Variants in PDE7B observed in about 807,000 individuals in gnomAD.
PDE7B encodes 3',5'-cyclic-AMP phosphodiesterase 7B.
Under a neutral mutation model 56.2 loss-of-function variants are expected in PDE7B, and 29 were observed. The observed-to-expected ratio is 0.52, with a 90% confidence interval of 0.38 to 0.70. The LOEUF (loss-of-function observed/expected upper bound fraction) is 0.70. Among genes scored for constraint, PDE7B ranks in the 30% least tolerant of loss-of-function variants. The probability of loss-of-function intolerance (pLI) is 0.00; values close to 1 mark genes in which losing one functional copy is unlikely to be tolerated. For synonymous variants in PDE7B, 197 were observed against 196.9 expected, an observed-to-expected ratio of 1.00 and a Z score of 0.00; for missense variants, 490 against 565.0, an observed-to-expected ratio of 0.87 and a Z score of 1.35.
chr6:135,861,410 CT>C (rs1562414204), intron 1 of PDE7B, among the ~76,000 whole-genome samples: 1 of 151,580 alleles, frequency 6.6e-6, no homozygotes, highest in Non-Finnish European at 1.5e-5. Flanking sequence ...TCCCTGTTTA[CT>C]AATGGTCTGA....
At chr6:136,115,215 C>T (rs1033357217) in intron 3 of PDE7B, among the ~76,000 whole-genome samples, 3 of 152,172 alleles carry the variant, frequency 2.0e-5, no homozygotes, top group East Asian at 1.9e-4. Flanking sequence ...TGTATAATAA[C>T]AGCATACATA....
intron 2 of PDE7B, among the ~76,000 whole-genome samples, chr6:135,982,065 G>A (rs1317921329): frequency 6.6e-6 from 1 of 151,946 alleles, no homozygotes; most frequent in Non-Finnish European, 1.5e-5. Context: ...GTTTGTCATT[G>A]ACCCACACGG....
At chr6:136,057,685 A>G (rs1265719455) in intron 2 of PDE7B, among the ~76,000 whole-genome samples, 1 of 152,206 alleles carries the variant, frequency 6.6e-6, no homozygotes, top group Non-Finnish European at 1.5e-5. Context: ...GTCATCACAA[A>G]GCTTTTACTT....
rs151275522 is a variant in PDE7B at position 135,904,982 on chromosome 6, C to T, written c.22-42482C>T. On this transcript the variant is annotated intron_variant, in intron 1 of 12. Coordinates refer to ENST00000308191, the MANE Select transcript of PDE7B (RefSeq NM_018945.4). ...TGGGCATGGAATCTGTGCAGTTGCA[C>T]AGGGTCCCATACTCAGAAAGGCTCA... Among the ~76,000 whole-genome samples the T allele has an allele frequency of 6.0e-4, 92 of 152,336 alleles. 1 individual carries two copies. The East Asian group carries it at 0.015, about 26-fold the overall frequency.
At chr6:135,883,192 TG>T (rs1775641248) in intron 1 of PDE7B, among the ~76,000 whole-genome samples, 1 of 152,166 alleles carries the variant, frequency 6.6e-6, no homozygotes, top group Non-Finnish European at 1.5e-5. Flanking sequence ...AGTACTAATG[TG>T]TATTCTATAT....
intron 3 of PDE7B, among the ~76,000 whole-genome samples, chr6:136,121,881 G>GTAT (rs1777940179): frequency 6.6e-6 from 1 of 152,220 alleles, no homozygotes; most frequent in Admixed American, 6.5e-5. Flanking sequence ...TGCTGAAAGG[G>GTAT]TATTGCATAG....
At chr6:135,930,108 A>T (rs1484409486) in intron 1 of PDE7B, among the ~76,000 whole-genome samples, 1 of 152,136 alleles carries the variant, frequency 6.6e-6, no homozygotes, top group Non-Finnish European at 1.5e-5. Context: ...ATGACTTACA[A>T]TTCCATATGG....
At chr6:136,090,152 A>G (rs1777364108) in intron 2 of PDE7B, among the ~76,000 whole-genome samples, 1 of 152,158 alleles carries the variant, frequency 6.6e-6, no homozygotes, top group Admixed American at 6.5e-5. Flanking sequence ...CATCAGAGAT[A>G]CAATCAGGGA....
At chr6:136,053,181 G>A (rs946936603) in intron 2 of PDE7B, among the ~76,000 whole-genome samples, 2 of 151,012 alleles carry the variant, frequency 1.3e-5, no homozygotes, top group Non-Finnish European at 3.0e-5. Flanking sequence ...TTAGCATTAG[G>A]TATATCTCTT....
At chr6:135,906,829 T>TTTTTTTTTTGTTTTTTTTTTTTTTTG (rs1562434158) in intron 1 of PDE7B, among the ~76,000 whole-genome samples, 2 of 142,604 alleles carry the variant, frequency 1.4e-5, no homozygotes, top group African/African-American at 5.7e-5. Flanking sequence ...TTTTTTTTTT[T>TTTTTTTTTTGTTTTTTTTTTTTTTTG]TTTTTTTAAT....
intron 1 of PDE7B, among the ~76,000 whole-genome samples, chr6:135,902,691 A>G (rs550274275): frequency 3.9e-5 from 6 of 152,252 alleles, no homozygotes; most frequent in Admixed American, 3.3e-4. Context: ...TCATTGGCTT[A>G]TTGCTTAACC....
At chr6:135,911,707 A>G (rs990199604) in intron 1 of PDE7B, among the ~76,000 whole-genome samples, 7 of 152,192 alleles carry the variant, frequency 4.6e-5, no homozygotes, top group African/African-American at 1.7e-4. Context: ...CAAAAGTCCA[A>G]ATCTGCACTA....
Position 136,147,321 on chromosome 6 carries a change from T to C in PDE7B, c.167-30T>C, listed in dbSNP as rs778988097. 2.6e-6 allele frequency: 4 copies of C among 1,544,842 alleles called. No homozygotes were observed. In the African/African-American group the frequency reaches 4.1e-5, roughly 16 times the overall value. ...GAAAATTGGCTCTCTTTTAAATATA[T>C]AAATTTCTTGACTTGATGACTTTCC... is the stretch of plus-strand genomic sequence containing the variant. On this transcript the variant is annotated intron_variant, in intron 3 of 12. Coordinates refer to ENST00000308191, the MANE Select transcript of PDE7B (RefSeq NM_018945.4).
chr6:136,143,048 A>G (rs1237426979), intron 3 of PDE7B, among the ~76,000 whole-genome samples: 1 of 152,062 alleles, frequency 6.6e-6, no homozygotes, highest in Non-Finnish European at 1.5e-5. Context: ...CCTACCCTCA[A>G]TGATCTTTAC....
At chr6:135,963,619 T>G (rs1774944651) in intron 2 of PDE7B, among the ~76,000 whole-genome samples, 1 of 152,198 alleles carries the variant, frequency 6.6e-6, no homozygotes, top group Non-Finnish European at 1.5e-5. Flanking sequence ...TATTTTGTCC[T>G]GCATTTTACA....
chr6:136,100,266 T>G (rs927620753), intron 2 of PDE7B, among the ~76,000 whole-genome samples: 1 of 152,230 alleles, frequency 6.6e-6, no homozygotes, highest in African/African-American at 2.4e-5. Context: ...GGCTCCTTGT[T>G]GGTTCCATAT....
At chr6:136,079,625 C>T (rs1777174782) in intron 2 of PDE7B, among the ~76,000 whole-genome samples, 1 of 150,782 alleles carries the variant, frequency 6.6e-6, no homozygotes, top group African/African-American at 2.4e-5. Flanking sequence ...GTTTTCCAAG[C>T]ACTTTTATCT....
chr6:135,910,422 T>C (rs1776192124), intron 1 of PDE7B, among the ~76,000 whole-genome samples: 1 of 152,340 alleles, frequency 6.6e-6, no homozygotes, highest in Middle Eastern at 3.4e-3. Context: ...TGTTTTTCAC[T>C]TTTAAAGACT....
At chr6:136,159,089 G>A (rs1350979262) in intron 8 of PDE7B, among the ~76,000 whole-genome samples, 4 of 152,088 alleles carry the variant, frequency 2.6e-5, no homozygotes, top group Non-Finnish European at 4.4e-5. Context: ...ATAATGTCTT[G>A]CAGAAGTTTA....
Sources: allele counts gnomAD v4.1 joint callset (sites outside exome capture counted in the v4.1 genomes callset), GRCh38; gene constraint gnomAD v4.1.1; transcripts MANE v1.5; gene names NCBI Gene and HGNC (gene_info 2026-07-23, HGNC 2026-07-21).